The following POTEI variants were observed in gnomAD, a reference collection of about 807,000 sequenced individuals.
The protein encoded by POTEI is POTE ankyrin domain family member I.
A neutral mutation model predicts 43.4 loss-of-function variants in POTEI; 14 were observed. The ratio of observed to expected loss-of-function variants is 0.32; its 90% CI spans 0.21 to 0.50. The LOEUF (loss-of-function observed/expected upper bound fraction) is 0.50, where lower values mean the gene tolerates loss of function less well. Ranked by LOEUF, POTEI falls within the 20% of genes least tolerant of loss-of-function variation. POTEI has a pLI of 0.98. For synonymous variants in POTEI, 95 were observed against 297.9 expected, an observed-to-expected ratio of 0.32 and a Z score of 7.01; for missense variants, 235 against 795.4, an observed-to-expected ratio of 0.30 and a Z score of 8.47.
At chr2:130,509,434 C>T (rs1573942737), upstream of POTEI, 9 of 319,534 alleles carry the variant, frequency 2.8e-5, no homozygotes, top group East Asian at 2.8e-4. Context: ...GGAAAGCCCA[C>T]GCCCACCCGA....
intron 13 of POTEI, among the ~76,000 whole-genome samples, chr2:130,467,824 AAAG>A (rs1469427463): frequency 2.0e-5 from 3 of 147,836 alleles, no homozygotes; most frequent in African/African-American, 4.9e-5. Context: ...ACATTTCTCA[AAAG>A]AAGAGGTACA....
rs879184122 is a variant in POTEI, at chr2:130,463,115, T to G, written c.2929A>C (p.Thr977Pro). The G allele has an allele frequency of 6.6e-7, 1 of 1,505,330 alleles. No individual in the cohort carries two copies. Among genetic ancestry groups the G allele is most frequent in the South Asian group, 1.2e-5 (1 of 86,344 alleles). The allele number at this position is 1,505,330 out of a possible 1,614,324, so 93.2% of individuals were successfully genotyped here. Reference protein sequence around the residue: ...LGMESCGIHETTFNSIMKSDV... With the variant: ...LGMESCGIHEPTFNSIMKSDV... ...GACTTCATGATGGAGTTGAAGGTAG[T>G]TTCATGGATGCCACAGGATTCCATG... The change falls in exon 15 of 15, where the codon ACT becomes CCT. Residue 977 changes from threonine to proline, a missense_variant. By Grantham distance (38) the Thr-to-Pro change is conservative (BLOSUM62 -1). Transcript: ENST00000451531.
rs1346703406 is a variant in POTEI, at chr2:130,492,826, A to T, written c.1127-2086T>A. ...ATAGTGCCTATGAATTTAACTAATA[A>T]TTGTGAATTCAGAGCTGTGACAATA... On this transcript the variant is annotated intron_variant, in intron 6 of 14. Coordinates refer to ENST00000451531, the MANE Select transcript of POTEI (RefSeq NM_001277406.2). Among the ~76,000 whole-genome samples, 43 of 143,298 alleles carry T rather than the reference A, an allele frequency of 3.0e-4. 1 individual carries two copies. Among genetic ancestry groups the T allele is most frequent in the Non-Finnish European group, 6.1e-5 (4 of 65,212 alleles). 94.0% of individuals were successfully genotyped at this position (143,298 alleles called of 152,430 possible). A position where few individuals can be genotyped will look rare whatever the true frequency, so the allele number is the denominator to read the frequency against.
intron 1 of POTEI, among the ~76,000 whole-genome samples, chr2:130,507,476 C>A: frequency 1.4e-5 from 1 of 72,888 alleles, no homozygotes; most frequent in Non-Finnish European, 2.5e-5. Flanking sequence ...GTATGTTTCT[C>A]CTTTTGTATG....
At chr2:130,509,356 C>T, upstream of POTEI, 2 of 488,996 alleles carry the variant, frequency 4.1e-6, no homozygotes, top group Non-Finnish European at 6.6e-6. Flanking sequence ...TCAATCCCAG[C>T]CAAAACCTGC....
At chr2:130,467,789 G>T (rs1304716659) in intron 13 of POTEI, among the ~76,000 whole-genome samples, 2 of 150,894 alleles carry the variant, frequency 1.3e-5, no homozygotes, top group South Asian at 2.1e-4. Flanking sequence ...AATTCCATTG[G>T]AAAGTGGCCA....
chr2:130,483,599 GTTTT>G (rs1319437395), intron 9 of POTEI, among the ~76,000 whole-genome samples: 2 of 29,188 alleles, frequency 6.9e-5, no homozygotes, highest in Non-Finnish European at 1.3e-4. Flanking sequence ...TGTCAAACTT[GTTTT>G]TTTTTTTTTG....
chr2:130,461,219 C>A lies in POTEI; in HGVS notation c.*1597G>T, dbSNP rs1205981720. On this transcript the variant is annotated 3_prime_UTR_variant, in exon 15 of 15. Coordinates refer to ENST00000451531, the MANE Select transcript of POTEI (RefSeq NM_001277406.2). ...GCCACGTTTTTATAGAGCAGCTGTG[C>A]TGTGCTGGGGGTTCACTTCAGCCCC... The A allele has an allele frequency of 1.3e-5, 2 of 151,420 alleles. No individual in the cohort carries two copies. The highest frequency in any genetic ancestry group is 2.5e-5 in the African/African-American group (1 of 40,752). 9.4% of individuals were successfully genotyped at this position (151,420 alleles called of 1,614,324 possible). A position where few individuals can be genotyped will look rare whatever the true frequency, so the allele number is the denominator to read the frequency against.
At chr2:130,483,805 T>C (rs1683485701) in intron 9 of POTEI, among the ~76,000 whole-genome samples, 1 of 150,116 alleles carries the variant, frequency 6.7e-6, no homozygotes, top group African/African-American at 2.5e-5. Flanking sequence ...CTGGTCTCGA[T>C]CTCCTGACCT....
chr2:130,478,585 G>A (rs1388931020), intron 10 of POTEI, among the ~76,000 whole-genome samples: 3 of 125,434 alleles, frequency 2.4e-5, no homozygotes, highest in Non-Finnish European at 4.8e-5. Flanking sequence ...TGCAGAAAAT[G>A]ATTATTTAGA....
At chr2:130,508,625 A>T in intron 1 of POTEI, 90 bp downstream of exon 1, 1 of 663,012 alleles carries the variant, frequency 1.5e-6, no homozygotes, top group Non-Finnish European at 2.2e-6. Context: ...TGCGGAGGTG[A>T]GAAAGCCAGG....
chr2:130,468,845 T>C (rs1272708737), intron 13 of POTEI, among the ~76,000 whole-genome samples: 1 of 152,334 alleles, frequency 6.6e-6, no homozygotes, highest in Non-Finnish European at 1.5e-5. Context: ...TCAGTCAAAA[T>C]ATAGAAAAAG....
intron 9 of POTEI, among the ~76,000 whole-genome samples, chr2:130,482,342 CA>C (rs1234685874): frequency 1.8e-4 from 26 of 148,272 alleles, no homozygotes; most frequent in Non-Finnish European, 3.4e-4. Flanking sequence ...GAAAGTGTCC[CA>C]ACTCTAAATA....
chr2:130,467,681 T>A (rs1682880146), intron 13 of POTEI, among the ~76,000 whole-genome samples: 1 of 152,084 alleles, frequency 6.6e-6, no homozygotes, highest in African/African-American at 2.4e-5. Flanking sequence ...AAACAACAAC[T>A]TATACAATGG....
At chr2:130,468,869 C>T (rs1401473645) in intron 13 of POTEI, among the ~76,000 whole-genome samples, 2 of 152,084 alleles carry the variant, frequency 1.3e-5, no homozygotes, top group African/African-American at 2.4e-5. Flanking sequence ...GATTTGCCAG[C>T]AGAAAATTGT....
At chr2:130,479,025 A>G (rs1394043251) in intron 10 of POTEI, among the ~76,000 whole-genome samples, 40 of 125,532 alleles carry the variant, frequency 3.2e-4, no homozygotes, top group Non-Finnish European at 8.2e-5. Context: ...TCCTGTATTC[A>G]CCAGAAAATT....
chr2:130,483,874 C>A (rs1236281357), intron 9 of POTEI, among the ~76,000 whole-genome samples: 1 of 150,722 alleles, frequency 6.6e-6, no homozygotes, highest in East Asian at 2.0e-4. Context: ...AGCCACCATG[C>A]CCGACCTACG....
upstream of POTEI, chr2:130,509,516 G>C: frequency 5.0e-6 from 1 of 201,096 alleles, no homozygotes; most frequent in South Asian, 3.2e-5. Context: ...GCAGAGAAAA[G>C]GTCAAGCCTA....
At position 130,468,437 on chromosome 2, in the gene POTEI, G is replaced by A. The variant is rs562547334; in HGVS notation, c.1779-2665C>T. Among the ~76,000 whole-genome samples, 12 of 152,334 alleles carry A rather than the reference G, an allele frequency of 7.9e-5. No homozygotes were observed. In the South Asian group the frequency reaches 2.5e-3, roughly 32 times the overall value. ...TTCACAGTTACGCATGGCTGGGGAGGCCTCAGGAAACTTAACAACCATGGT... is the reference window on the plus strand; with the variant it reads ...TTCACAGTTACGCATGGCTGGGGAGACCTCAGGAAACTTAACAACCATGGT... On this transcript the variant is annotated intron_variant, in intron 13 of 14. Transcript: ENST00000451531.
Sources: gnomAD v4.1 joint callset for allele counts (sites outside exome capture counted in the v4.1 genomes callset) on GRCh38, gnomAD v4.1.1 for gene constraint, MANE v1.5 for transcripts, NCBI Gene and HGNC (gene_info 2026-07-23, HGNC 2026-07-21) for gene names.